Variants in KLF12 observed in about 807,000 individuals in gnomAD.
The protein encoded by KLF12 is Krueppel-like factor 12.
Under a neutral mutation model 37.8 loss-of-function variants are expected in KLF12, and 9 were observed. That is an observed-to-expected ratio of 0.24 (90% confidence interval 0.14 to 0.42). The LOEUF is 0.42. Among genes scored for constraint, KLF12 ranks in the 10% least tolerant of loss-of-function variants. The pLI is 1.00. For missense variants in KLF12, 411 were observed against 516.0 expected, an observed-to-expected ratio of 0.80 and a Z score of 1.97; for synonymous variants, 208 against 202.1, an observed-to-expected ratio of 1.03 and a Z score of -0.25.
chr13:74,286,666 C>T, the KLF12 span, among the ~76,000 whole-genome samples: 3 of 152,142 alleles, frequency 2.0e-5, no homozygotes, highest in African/African-American at 4.8e-5. Flanking sequence ...AGGTAATTTG[C>T]ATTTTTAAAG....
At chr13:73,853,057 T>C (rs992875081) in intron 3 of KLF12, among the ~76,000 whole-genome samples, 2 of 151,738 alleles carry the variant, frequency 1.3e-5, no homozygotes, top group South Asian at 2.1e-4. Flanking sequence ...TTAGTAGAGA[T>C]AGGGTTTCAC....
the KLF12 span, among the ~76,000 whole-genome samples, chr13:74,235,097 G>A: frequency 1.3e-5 from 2 of 152,180 alleles, no homozygotes; most frequent in East Asian, 3.8e-4. Context: ...GTTTCTGGGA[G>A]TGTTTGTCAA....
At chr13:73,922,510 C>A (rs1347310562) in intron 3 of KLF12, among the ~76,000 whole-genome samples, 2 of 152,150 alleles carry the variant, frequency 1.3e-5, no homozygotes, top group South Asian at 2.1e-4. Flanking sequence ...AGATTTTATA[C>A]AATTTGTTTA....
chr13:73,854,277 T>A (rs1885490051), intron 3 of KLF12, among the ~76,000 whole-genome samples: 1 of 152,218 alleles, frequency 6.6e-6, no homozygotes, highest in South Asian at 2.1e-4. Flanking sequence ...AGGCAAATGT[T>A]CTGTGCTAGA....
intron 2 of KLF12, among the ~76,000 whole-genome samples, chr13:73,972,005 C>G (rs143399236): frequency 1.3e-5 from 2 of 152,142 alleles, no homozygotes; most frequent in African/African-American, 4.8e-5. Flanking sequence ...TGGGTGCTAC[C>G]GAATCATTAA....
intron 1 of KLF12, among the ~76,000 whole-genome samples, chr13:74,105,341 C>T (rs950740528): frequency 6.6e-6 from 1 of 151,982 alleles, no homozygotes; most frequent in Non-Finnish European, 1.5e-5. Context: ...ATATCCCTAA[C>T]TTGATTGTAG....
chr13:74,301,340 A>C, the KLF12 span, among the ~76,000 whole-genome samples: 2 of 152,110 alleles, frequency 1.3e-5, no homozygotes, highest in African/African-American at 4.8e-5. Flanking sequence ...GTCCACCCAA[A>C]ATAAGTCAGG....
At chr13:74,273,937 C>A in the KLF12 span, among the ~76,000 whole-genome samples, 2 of 152,010 alleles carry the variant, frequency 1.3e-5, no homozygotes, top group African/African-American at 4.8e-5. Flanking sequence ...TACTATGAAC[C>A]CATGCCACAC....
the KLF12 span, among the ~76,000 whole-genome samples, chr13:74,204,155 AC>A: frequency 6.6e-6 from 1 of 152,130 alleles, no homozygotes; most frequent in East Asian, 1.9e-4. Flanking sequence ...TTTTTTATTT[AC>A]TATGTGTCTG....
chr13:73,917,320 G>A (rs12856248), intron 3 of KLF12, among the ~76,000 whole-genome samples: 27,825 of 152,068 alleles, frequency 0.18, 3,011 homozygotes, highest in East Asian at 0.53. Context: ...TCTGCCTAGA[G>A]TGATTCCTCT....
At chr13:74,096,973 C>G (rs545337190) in intron 1 of KLF12, among the ~76,000 whole-genome samples, 14 of 152,102 alleles carry the variant, frequency 9.2e-5, no homozygotes, top group Admixed American at 5.9e-4. Context: ...TCAGACACTT[C>G]CAAGTTCAAA....
At chr13:73,961,845 G>A (rs1891031461) in intron 2 of KLF12, among the ~76,000 whole-genome samples, 1 of 152,138 alleles carries the variant, frequency 6.6e-6, no homozygotes. Flanking sequence ...ACTAACATCA[G>A]CAAATGTAGG....
chr13:74,109,666 G>A (rs556406406), intron 1 of KLF12, among the ~76,000 whole-genome samples: 1 of 152,156 alleles, frequency 6.6e-6, no homozygotes, highest in East Asian at 1.9e-4. Context: ...GTAATTCTTA[G>A]TAAAATAAAA....
chr13:73,805,618 G>GAGGGAGGGAGGGAGGGAGGAAGGAAGGA lies in KLF12; in HGVS notation c.806+7533_806+7534insTCCTTCCTTCCTCCCTCCCTCCCTCCCT, dbSNP rs1882533119. ...GAGGCACTGTCAGAAGGAAGGGAGG[G>GAGGGAGGGAGGGAGGGAGGAAGGAAGGA]AGGGAGGGAGGGAGGGAGGGAGGGA... On this transcript the variant is annotated intron_variant, in intron 5 of 7. Transcript: ENST00000377669. 9.5e-5 allele frequency among the ~76,000 whole-genome samples: 4 copies of GAGGGAGGGAGGGAGGGAGGAAGGAAGGA among 42,016 alleles called. 1 individual carries two copies. 27.6% of individuals were successfully genotyped at this position (42,016 alleles called of 152,430 possible). A position where few individuals can be genotyped will look rare whatever the true frequency, so the allele number is the denominator to read the frequency against.
chr13:73,991,887 A>C (rs1891980142), intron 2 of KLF12, among the ~76,000 whole-genome samples: 1 of 152,204 alleles, frequency 6.6e-6, no homozygotes, highest in Non-Finnish European at 1.5e-5. Flanking sequence ...AAAGAAATTT[A>C]AAGCAACCAC....
the KLF12 span, among the ~76,000 whole-genome samples, chr13:74,146,237 TAC>T: frequency 2.0e-5 from 3 of 152,208 alleles, no homozygotes; most frequent in Non-Finnish European, 2.9e-5. Context: ...ATGTCAGGAA[TAC>T]AGACTTTCCT....
At chr13:74,215,030 G>C in the KLF12 span, among the ~76,000 whole-genome samples, 1 of 152,058 alleles carries the variant, frequency 6.6e-6, no homozygotes, top group African/African-American at 2.4e-5. Context: ...CTGACTTCAG[G>C]AGATCCACCT....
rs767898779 is a variant in KLF12 at position 73,958,202 on chromosome 13, A to G, written c.34-14132T>C. 1.4e-4 allele frequency among the ~76,000 whole-genome samples: 21 copies of G among 152,056 alleles called. 1 individual carries two copies. The highest frequency in any genetic ancestry group is 3.4e-3 in the Middle Eastern group (1 of 294). On this transcript the variant is annotated intron_variant, in intron 2 of 7. Transcript: ENST00000377669. ...GTCTCATAATTTTTGAATTAATTACATGTTGAATGGTATTTTGATTACACT... is the reference window on the plus strand; with the variant it reads ...GTCTCATAATTTTTGAATTAATTACGTGTTGAATGGTATTTTGATTACACT...
chr13:73,713,080 G>A (rs1875527908), intron 7 of KLF12, among the ~76,000 whole-genome samples: 1 of 152,274 alleles, frequency 6.6e-6, no homozygotes, highest in East Asian at 1.9e-4. Flanking sequence ...AAGACACAGT[G>A]ATCAGTTGGA....
Sources: gnomAD v4.1 joint callset for allele counts (sites outside exome capture counted in the v4.1 genomes callset) on GRCh38, gnomAD v4.1.1 for gene constraint, MANE v1.5 for transcripts, NCBI Gene and HGNC (gene_info 2026-07-23, HGNC 2026-07-21) for gene names.